TMEM164: variants seen among roughly 807,000 people sequenced by gnomAD.
The protein encoded by TMEM164 is RP13-360B22.2.
Under a neutral mutation model 18.8 loss-of-function variants are expected in TMEM164, and 4 were observed. The observed-to-expected ratio is 0.21, with a 90% CI of 0.10 to 0.49. The LOEUF is 0.49. Ranked by LOEUF, TMEM164 falls within the 20% of genes least tolerant of loss-of-function variation. The pLI is 0.98. For missense variants in TMEM164, 108 were observed against 239.9 expected (o/e 0.45, Z 3.63); for synonymous variants, 86 against 101.7 (o/e 0.85, Z 0.93).
intron 3 of TMEM164, among the ~76,000 whole-genome samples, chrX:110,084,477 T>G (rs12394177): frequency 0.013 from 653 of 48,850 alleles, 12 homozygotes; most frequent in East Asian, 0.095. Flanking sequence ...TATATATATA[T>G]AGAGAGAGAG....
intron 2 of TMEM164, chrX:110,065,203 C>A (rs1936285049): frequency 9.0e-6 from 1 of 110,869 alleles, no homozygotes; most frequent in South Asian, 3.8e-4. Flanking sequence ...CAGAACCAGC[C>A]AAATGGACTT....
At chrX:110,014,979 C>T (rs919861858) in intron 2 of TMEM164, among the ~76,000 whole-genome samples, 1 of 110,394 alleles carries the variant, frequency 9.1e-6, no homozygotes, top group African/African-American at 3.3e-5. Flanking sequence ...TGTGCCTTGG[C>T]TTTTTGCATC....
chrX:110,129,279 G>T (rs1269924722), intron 4 of TMEM164, among the ~76,000 whole-genome samples: 1 of 112,699 alleles, frequency 8.9e-6, no homozygotes, highest in African/African-American at 3.2e-5. Context: ...GTCCTAGGGG[G>T]CAGGAGTAAT....
At chrX:110,012,245 C>T (rs914696373) in intron 2 of TMEM164, among the ~76,000 whole-genome samples, 1 of 111,984 alleles carries the variant, frequency 8.9e-6, no homozygotes, top group African/African-American at 3.3e-5. Flanking sequence ...CTTTCTTTTT[C>T]ATATCTCTTC....
At chrX:110,100,751 T>A (rs1249175840) in intron 3 of TMEM164, among the ~76,000 whole-genome samples, 6 of 110,455 alleles carry the variant, frequency 5.4e-5, no homozygotes, top group Non-Finnish European at 7.6e-5. Context: ...TTTGTATTTT[T>A]TTTTTATTTT....
At chrX:110,025,543 C>T (rs947677921) in intron 2 of TMEM164, among the ~76,000 whole-genome samples, 2 of 112,139 alleles carry the variant, frequency 1.8e-5, no homozygotes, top group African/African-American at 6.5e-5. Context: ...ATGTTCCTGC[C>T]ATGAATATCC....
intron 4 of TMEM164, among the ~76,000 whole-genome samples, chrX:110,132,243 G>A (rs955809362): frequency 7.2e-5 from 8 of 111,527 alleles, no homozygotes; most frequent in Admixed American, 5.7e-4. Flanking sequence ...TGCACCATTC[G>A]TCCATGTATA....
intron 3 of TMEM164, among the ~76,000 whole-genome samples, chrX:110,105,749 A>AAGAGAGAGAGAGAG (rs1569331132): frequency 3.7e-5 from 2 of 53,925 alleles, no homozygotes; most frequent in Admixed American, 2.4e-4. Flanking sequence ...GAGAGAGAGA[A>AAGAGAGAGAGAGAG]TGAGAGAGAG....
chrX:110,112,026 A>G (rs2066297057), intron 4 of TMEM164, among the ~76,000 whole-genome samples: 1 of 110,681 alleles, frequency 9.0e-6, no homozygotes, highest in Non-Finnish European at 1.9e-5. Flanking sequence ...TGAGCAACAC[A>G]GTGAGAACTC....
intron 3 of TMEM164, among the ~76,000 whole-genome samples, chrX:110,093,973 C>G (rs931496522): frequency 5.4e-5 from 6 of 111,372 alleles, no homozygotes. Context: ...GCAGGTTGTT[C>G]AGTTTCCATG....
At chrX:110,023,282 C>T (rs1185230975) in intron 2 of TMEM164, among the ~76,000 whole-genome samples, 1 of 111,409 alleles carries the variant, frequency 9.0e-6, no homozygotes. Context: ...AAGGGTCTTT[C>T]CCAAGCTCAG....
At chrX:110,144,440 A>G (rs949465864) in intron 4 of TMEM164, among the ~76,000 whole-genome samples, 1 of 111,940 alleles carries the variant, frequency 8.9e-6, no homozygotes, top group Non-Finnish European at 1.9e-5. Context: ...TGGATAAACA[A>G]TGGCATGTTT....
intron 3 of TMEM164, among the ~76,000 whole-genome samples, chrX:110,102,393 G>C: frequency 9.0e-6 from 1 of 111,250 alleles, no homozygotes; most frequent in Non-Finnish European, 1.9e-5. Flanking sequence ...TGTTGTTGTT[G>C]TTCAGTTCAA....
chrX:110,146,137 T>G (rs1417183679), intron 5 of TMEM164, among the ~76,000 whole-genome samples: 3 of 112,507 alleles, frequency 2.7e-5, no homozygotes, highest in Non-Finnish European at 1.9e-5. Context: ...GGAAACAGCC[T>G]CTTAATATTA....
chrX:110,038,157 A>AT (rs1366327505), intron 2 of TMEM164, among the ~76,000 whole-genome samples: 1 of 107,346 alleles, frequency 9.3e-6, no homozygotes, highest in Non-Finnish European at 1.9e-5. Context: ...CGCCCGGCTA[A>AT]TTTTTTGTAT....
At chrX:110,182,516 A>G (rs938575904), downstream of TMEM164, 1 of 111,592 alleles carries the variant, frequency 9.0e-6, no homozygotes, top group Admixed American at 9.5e-5. Context: ...TCTTTCCCCA[A>G]CAGCAGCCTG....
chrX:110,163,386 C>G (rs2067117999), intron 5 of TMEM164, among the ~76,000 whole-genome samples: 1 of 111,813 alleles, frequency 8.9e-6, no homozygotes, highest in African/African-American at 3.3e-5. Flanking sequence ...TTTATCATTC[C>G]AATATAATCA....
At chrX:110,036,085 G>A (rs983869197) in intron 2 of TMEM164, among the ~76,000 whole-genome samples, 3 of 111,536 alleles carry the variant, frequency 2.7e-5, no homozygotes, top group African/African-American at 6.5e-5. Context: ...CTAAGTTAAT[G>A]TGTAATTCTT....
At chrX:110,027,531 G>A (rs1030664591) in intron 2 of TMEM164, among the ~76,000 whole-genome samples, 83 of 111,084 alleles carry the variant, frequency 7.5e-4, no homozygotes, top group African/African-American at 2.5e-3. Flanking sequence ...AGGCCAAGGC[G>A]GGTGGATCAC....
Sources: gnomAD v4.1 joint callset for allele counts (sites outside exome capture counted in the v4.1 genomes callset) on GRCh38, gnomAD v4.1.1 for gene constraint, MANE v1.5 for transcripts, NCBI Gene and HGNC (gene_info 2026-07-23, HGNC 2026-07-21) for gene names.